Variants in SLC25A26 observed in about 807,000 individuals in gnomAD.
SLC25A26 encodes solute carrier family 25 member 26.
In SLC25A26, 36 loss-of-function variants were observed where a neutral mutation model predicts 37.8. That is an observed-to-expected ratio of 0.95 (90% CI 0.73 to 1.26). SLC25A26 has a LOEUF of 1.26. SLC25A26 is among the 50% of genes most tolerant of loss of function. SLC25A26 has a pLI of 0.00. For missense variants in SLC25A26, 390 were observed against 331.1 expected, an observed-to-expected ratio of 1.18 and a Z score of -1.38; for synonymous variants, 129 against 122.5, an observed-to-expected ratio of 1.05 and a Z score of -0.35.
At chr3:66,167,184 G>C (rs758457752) in intron 1 of SLC25A26, among the ~76,000 whole-genome samples, 1 of 152,110 alleles carries the variant, frequency 6.6e-6, no homozygotes, top group Non-Finnish European at 1.5e-5. Context: ...GATGGTAAAG[G>C]GTTCCATTGT....
At chr3:66,157,047 A>G (rs2070293465) in intron 1 of SLC25A26, among the ~76,000 whole-genome samples, 1 of 152,086 alleles carries the variant, frequency 6.6e-6, no homozygotes, top group African/African-American at 2.4e-5. Flanking sequence ...AGCCTGGACA[A>G]CATAGTGAGA....
At chr3:66,353,558 G>C (rs906950177) in intron 6 of SLC25A26, among the ~76,000 whole-genome samples, 1 of 152,130 alleles carries the variant, frequency 6.6e-6, no homozygotes, top group Non-Finnish European at 1.5e-5. Context: ...TTGTATTGTC[G>C]TATACTCAAA....
At chr3:66,168,077 C>G (rs529347853) in intron 1 of SLC25A26, among the ~76,000 whole-genome samples, 1 of 150,338 alleles carries the variant, frequency 6.7e-6, no homozygotes, top group East Asian at 2.0e-4. Flanking sequence ...AGCTTGAACC[C>G]GGGAGAGAGA....
rs551853853 is a variant in SLC25A26, at chr3:66,159,263, T to C, written c.-354+25279T>C. ...CAAACCAGTGTTTTAATGTTATTTGTTCCTTCTAGGGAATGCTAGGCCTGA... is the reference window on the plus strand; with the variant it reads ...CAAACCAGTGTTTTAATGTTATTTGCTCCTTCTAGGGAATGCTAGGCCTGA... On this transcript the variant is annotated intron_variant, in intron 1 of 10. Coordinates refer to the SLC25A26 transcript ENST00000676754. Among the ~76,000 whole-genome samples, 10 of 152,324 alleles carry C rather than the reference T, an allele frequency of 6.6e-5. No homozygotes were observed. The South Asian group carries it at 2.1e-3, about 32-fold the overall frequency.
intron 1 of SLC25A26, among the ~76,000 whole-genome samples, chr3:66,142,819 A>G (rs1029161091): frequency 2.6e-5 from 4 of 152,266 alleles, no homozygotes; most frequent in African/African-American, 7.2e-5. Flanking sequence ...GCTGGAGTAC[A>G]GTGGTGTGAT....
At chr3:66,276,784 G>A (rs531004693) in intron 5 of SLC25A26, among the ~76,000 whole-genome samples, 1 of 151,726 alleles carries the variant, frequency 6.6e-6, no homozygotes, top group South Asian at 2.1e-4. Context: ...AGAAATTTTT[G>A]TGAGGATTTT....
intron 1 of SLC25A26, among the ~76,000 whole-genome samples, chr3:66,231,244 T>C (rs926894953): frequency 2.0e-5 from 3 of 152,096 alleles, no homozygotes; most frequent in Non-Finnish European, 2.9e-5. Flanking sequence ...CTCCAAGGTC[T>C]ATAGAGGGTG....
chr3:66,210,048 C>T (rs1360735555), intron 1 of SLC25A26, among the ~76,000 whole-genome samples: 3 of 147,960 alleles, frequency 2.0e-5, no homozygotes, highest in East Asian at 4.0e-4. Context: ...TTGGACCTTC[C>T]TGATGCACAT....
rs114417788 is a variant in SLC25A26, at chr3:66,377,374, T to G, written c.708-316T>G. On this transcript the variant is annotated intron_variant, in intron 9 of 9. Coordinates refer to ENST00000354883, the MANE Select transcript of SLC25A26 (RefSeq NM_001379210.1). ...GTGGAGCGGCAGCATTGCCCAAAAA[T>G]CTCTTCACTGAGCAACCCCTGGAGA... Among the ~76,000 whole-genome samples the G allele has an allele frequency of 4.6e-3, 698 of 152,074 alleles. 6 individuals carry two copies. The highest frequency in any genetic ancestry group is 0.016 in the African/African-American group (672 of 41,488).
chr3:66,311,640 T>G (rs2075380693), intron 5 of SLC25A26, among the ~76,000 whole-genome samples: 1 of 152,174 alleles, frequency 6.6e-6, no homozygotes, highest in Admixed American at 6.5e-5. Flanking sequence ...CTGCCTTTGA[T>G]CTTTGACGCG....
At chr3:66,178,600 T>C (rs1211472730) in intron 1 of SLC25A26, among the ~76,000 whole-genome samples, 1 of 152,134 alleles carries the variant, frequency 6.6e-6, no homozygotes, top group Non-Finnish European at 1.5e-5. Context: ...TACAAGTCCT[T>C]ATCTTAGGGA....
chr3:66,302,291 C>T lies in SLC25A26; in HGVS notation c.453+38912C>T, dbSNP rs533884437. 2.0e-5 allele frequency among the ~76,000 whole-genome samples: 3 copies of T among 152,318 alleles called. No homozygotes were observed. The South Asian group carries it at 6.2e-4, about 32-fold the overall frequency. On this transcript the variant is annotated intron_variant, in intron 5 of 9. Coordinates refer to ENST00000354883, the MANE Select transcript of SLC25A26 (RefSeq NM_001379210.1). The stretch of plus-strand genomic sequence containing the variant: ...AAGGTTTTTGCAAACTACAAGCTAA[C>T]ATGTTAAAATTGAGTGGTTTCATAT...
chr3:66,280,783 T>C (rs1400350542), intron 5 of SLC25A26, among the ~76,000 whole-genome samples: 3 of 152,136 alleles, frequency 2.0e-5, no homozygotes, highest in Non-Finnish European at 2.9e-5. Context: ...TCTGCTCTGC[T>C]CCTCTTTCTT....
intron 9 of SLC25A26, chr3:66,371,551 G>A: frequency 8.9e-7 from 1 of 1,128,034 alleles, no homozygotes; most frequent in South Asian, 2.5e-5. Context: ...GACGTTGGGG[G>A]TGTGAAGGGT....
At chr3:66,367,301 A>G (rs2076844511) in intron 7 of SLC25A26, among the ~76,000 whole-genome samples, 1 of 152,204 alleles carries the variant, frequency 6.6e-6, no homozygotes, top group Non-Finnish European at 1.5e-5. Flanking sequence ...ACCAGTGGGT[A>G]AGAGTCCCAG....
upstream of SLC25A26, among the ~76,000 whole-genome samples, chr3:66,218,838 T>G (rs998124854): frequency 2.6e-5 from 4 of 152,126 alleles, no homozygotes; most frequent in Admixed American, 2.0e-4. Flanking sequence ...GTTATGGGAG[T>G]GAGCCATCTT....
Position 66,378,857 on chromosome 3 carries a change from T to C in SLC25A26, c.*1050T>C, listed in dbSNP as rs1178624434. 2 of 152,632 alleles carry C rather than the reference T, an allele frequency of 1.3e-5. No individual in the cohort carries two copies. The highest frequency in any genetic ancestry group is 3.8e-4 in the East Asian group (2 of 5,198). 9.5% of individuals were successfully genotyped at this position (152,632 alleles called of 1,614,324 possible). ...CAATGCCATTTGTTAGACACTTCAA[T>C]ATTTTACATGGTTTTCAATGTACAC... On this transcript the variant is annotated 3_prime_UTR_variant, in exon 10 of 10. Transcript: ENST00000354883.
chr3:66,215,995 C>T (rs1249114204), intron 1 of SLC25A26, among the ~76,000 whole-genome samples: 1 of 152,122 alleles, frequency 6.6e-6, no homozygotes, highest in African/African-American at 2.4e-5. Context: ...TACTTTTGAA[C>T]AGTATCCTTA....
At chr3:66,227,947 G>T (rs148951746) in intron 1 of SLC25A26, among the ~76,000 whole-genome samples, 110 of 152,258 alleles carry the variant, frequency 7.2e-4, no homozygotes, top group African/African-American at 2.6e-3. Flanking sequence ...TCTGGATAGT[G>T]ACCTCCTAGT....
Sources: allele counts gnomAD v4.1 joint callset (sites outside exome capture counted in the v4.1 genomes callset), GRCh38; gene constraint gnomAD v4.1.1; transcripts MANE v1.5; gene names NCBI Gene and HGNC (gene_info 2026-07-23, HGNC 2026-07-21).